ARID3A: variants seen among roughly 807,000 people sequenced by gnomAD.
ARID3A encodes the protein AT-rich interaction domain 3A.
In ARID3A, 11 loss-of-function variants were observed where a neutral mutation model predicts 52.7. That is an observed-to-expected ratio of 0.21 (90% CI 0.13 to 0.35). The LOEUF (loss-of-function observed/expected upper bound fraction) is 0.35. Among genes scored for constraint, ARID3A ranks in the 10% least tolerant of loss-of-function variants. ARID3A has a pLI of 1.00. For missense variants in ARID3A, 721 were observed against 838.5 expected (o/e 0.86, Z 1.73); for synonymous variants, 404 against 359.4 (o/e 1.12, Z -1.40).
chr19:929,807 G>T lies in ARID3A; in HGVS notation c.279G>T (p.Ala93=). The part of the protein sequence containing the change: ...DGPPGSEEED[A]AREGTPGSPG... ...CCCCAGGCTCGGAGGAGGAGGACGCGGCCCGGGAGGGGACACCGGGCTCAC... is the reference window on the plus strand; with the variant it reads ...CCCCAGGCTCGGAGGAGGAGGACGCTGCCCGGGAGGGGACACCGGGCTCAC... Residue 93 remains alanine (A), a synonymous_variant, in exon 2 of 9, where the codon GCG becomes GCT. Coordinates refer to ENST00000263620, the MANE Select transcript of ARID3A (RefSeq NM_005224.3). The surrounding 1 kb of genome is among the most constrained non-coding windows in gnomAD (Gnocchi z 6.2). 6.5e-7 allele frequency: 1 copy of T among 1,546,056 alleles called. No individual in the cohort carries two copies. Among genetic ancestry groups the T allele is most frequent in the Non-Finnish European group, 8.7e-7 (1 of 1,148,668 alleles).
At chr19:971,590 C>T (rs1354514526) in intron 8 of ARID3A, among the ~76,000 whole-genome samples, 1 of 151,842 alleles carries the variant, frequency 6.6e-6, no homozygotes, top group Non-Finnish European at 1.5e-5. Context: ...CTCCAGCCTG[C>T]GCGACAGAGC....
chr19:943,295 G>A (rs779248319), intron 3 of ARID3A, among the ~76,000 whole-genome samples: 3 of 151,250 alleles, frequency 2.0e-5, no homozygotes, highest in Non-Finnish European at 2.9e-5. Context: ...GGACGGGCGC[G>A]CAGTGTCTCA....
At position 973,060 on chromosome 19, in the gene ARID3A, T is replaced by A; in HGVS notation, c.*995T>A. The stretch of plus-strand genomic sequence containing the variant: ...TGTGATATTCCACGATGCTTTTGCT[T>A]GTGCCGTGCTTGTCTGCTGGGCTCT... On this transcript the variant is annotated 3_prime_UTR_variant, in exon 9 of 9. Transcript: ENST00000263620. The A allele has an allele frequency of 5.6e-6, 1 of 177,804 alleles. No homozygotes were observed. Among genetic ancestry groups the A allele is most frequent in the East Asian group, 9.0e-5 (1 of 11,116 alleles). The allele number at this position is 177,804 out of a possible 1,614,324, so 11.0% of individuals were successfully genotyped here.
intron 3 of ARID3A, among the ~76,000 whole-genome samples, chr19:935,081 C>T (rs1454020901): frequency 1.3e-5 from 2 of 152,228 alleles, no homozygotes; most frequent in Admixed American, 6.5e-5. Context: ...ACTCTGGCGC[C>T]TGCCCCACCC....
In ARID3A at chr19:973,367, GC is replaced by G; in HGVS notation, c.*1304del. 5.5e-6 allele frequency: 1 copy of G among 183,362 alleles called. No individual in the cohort carries two copies. Among genetic ancestry groups the G allele is most frequent in the East Asian group, 8.8e-5 (1 of 11,370 alleles). The allele number at this position is 183,362 out of a possible 1,614,324, so 11.4% of individuals were successfully genotyped here. ...GACCTCAGGTGATCTGCCCGCCTTGGCCTCCCAAAGTGCTGGGATTACAGGC... is the reference window on the plus strand; with the variant it reads ...GACCTCAGGTGATCTGCCCGCCTTGGCTCCCAAAGTGCTGGGATTACAGGC... On this transcript the variant is annotated 3_prime_UTR_variant, in exon 9 of 9. Transcript: ENST00000263620.
In ARID3A at chr19:942,202, G is replaced by A. The variant is rs567337668; in HGVS notation, c.693+9460G>A. ...CCCTCTCCGACCCCGAGGAGCTGCCGGCAGAGCCCTGTCCACTCTTGCCTC... is the reference window on the plus strand; with the variant it reads ...CCCTCTCCGACCCCGAGGAGCTGCCAGCAGAGCCCTGTCCACTCTTGCCTC... On this transcript the variant is annotated intron_variant, in intron 3 of 8. Coordinates refer to ENST00000263620, the MANE Select transcript of ARID3A (RefSeq NM_005224.3). This position sits in a 1 kb window ranked among gnomAD's most constrained non-coding sequence, Gnocchi z 8.1. Among the ~76,000 whole-genome samples, 6 of 152,220 alleles carry A rather than the reference G, an allele frequency of 3.9e-5. No homozygotes were observed. The South Asian group carries it at 6.2e-4, about 16-fold the overall frequency.
intron 3 of ARID3A, among the ~76,000 whole-genome samples, chr19:950,680 C>A (rs2037786962): frequency 6.6e-6 from 1 of 152,180 alleles, no homozygotes; most frequent in Non-Finnish European, 1.5e-5. Flanking sequence ...ACTTCCAAGC[C>A]CCTTGGTCCC....
chr19:971,646 A>G (rs2038277577), intron 8 of ARID3A, among the ~76,000 whole-genome samples: 1 of 152,110 alleles, frequency 6.6e-6, no homozygotes, highest in Admixed American at 6.6e-5. Flanking sequence ...AATTAGCCAG[A>G]CATGGTGGCA....
In ARID3A at chr19:972,590, A is replaced by G. The variant is rs2038302438; in HGVS notation, c.*525A>G. The stretch of plus-strand genomic sequence containing the variant: ...CGTGTCCAGTGAAACCCCTGAACCA[A>G]GATCACTGAATTTTTGTTTTTTTCT... On this transcript the variant is annotated 3_prime_UTR_variant, in exon 9 of 9. Coordinates refer to ENST00000263620, the MANE Select transcript of ARID3A (RefSeq NM_005224.3). 4.5e-6 allele frequency: 1 copy of G among 221,122 alleles called. No individual in the cohort carries two copies. The highest frequency in any genetic ancestry group is 2.3e-5 in the African/African-American group (1 of 44,392). 13.7% of individuals were successfully genotyped at this position (221,122 alleles called of 1,614,324 possible).
intron 3 of ARID3A, among the ~76,000 whole-genome samples, chr19:954,721 C>T (rs2037879123): frequency 6.6e-6 from 1 of 151,996 alleles, no homozygotes; most frequent in Admixed American, 6.5e-5. Flanking sequence ...GGGGGCTCCC[C>T]TCCAGGGAGG....
rs768315126 is a variant in ARID3A, at chr19:931,451, CA to C, written c.369-951del. On this transcript the variant is annotated intron_variant, in intron 2 of 8. Transcript: ENST00000263620. ...TGGGCAACAAAGTGAGACTGTGTCT[CA>C]AAAAAAAAAAAAAAACAACCAAACA... Among the ~76,000 whole-genome samples the C allele has an allele frequency of 6.1e-3, 486 of 79,534 alleles. 1 individual carries two copies. Among genetic ancestry groups the C allele is most frequent in the Non-Finnish European group, 8.3e-3 (297 of 35,820 alleles). The allele number at this position is 79,534 out of a possible 152,430, so 52.2% of individuals were successfully genotyped here.
rs1410627373 is a variant in ARID3A, at chr19:960,406, C to A, written c.766+242C>A. Among the ~76,000 whole-genome samples, 4 of 152,060 alleles carry A rather than the reference C, an allele frequency of 2.6e-5. No individual in the cohort carries two copies. The highest frequency in any genetic ancestry group is 7.3e-5 in the African/African-American group (3 of 41,368). Reference sequence around the variant, plus strand: ...GTAGGTCCCTTGGTGGGGGGCAGGGCAGTCTCAGGGCCCCAACCCAGAACA... The same window carrying A: ...GTAGGTCCCTTGGTGGGGGGCAGGGAAGTCTCAGGGCCCCAACCCAGAACA... On this transcript the variant is annotated intron_variant, in intron 4 of 8. Transcript: ENST00000263620. This position sits in a 1 kb window ranked among gnomAD's most constrained non-coding sequence, Gnocchi z 4.3.
At chr19:927,067 T>A (rs1280597847) in intron 1 of ARID3A, among the ~76,000 whole-genome samples, 1 of 151,578 alleles carries the variant, frequency 6.6e-6, no homozygotes, top group Non-Finnish European at 1.5e-5. Context: ...CTTCCCTTCG[T>A]GGAGTGAGGG....
chr19:953,475 ACC>A (rs3837991), intron 3 of ARID3A, among the ~76,000 whole-genome samples: 1 of 128,362 alleles, frequency 7.8e-6, no homozygotes, highest in Non-Finnish European at 1.7e-5. Flanking sequence ...GGCCTCCCAC[ACC>A]CCCCCCCGTG....
Position 960,058 on chromosome 19 carries a change from C to T in ARID3A, c.694-34C>T. ...CATGGTTCCCACACCTGAGCTCTGG[C>T]ACCAACTAACCCATCCCCTCTCCAC... On this transcript the variant is annotated intron_variant, in intron 3 of 8. Transcript: ENST00000263620. This position sits in a 1 kb window ranked among gnomAD's most constrained non-coding sequence, Gnocchi z 4.3. The T allele has an allele frequency of 1.3e-6, 2 of 1,590,252 alleles. No homozygotes were observed. The highest frequency in any genetic ancestry group is 2.2e-5 in the South Asian group (2 of 89,494).
intron 4 of ARID3A, among the ~76,000 whole-genome samples, chr19:961,054 T>C (rs1637996): frequency 0.68 from 103,968 of 152,048 alleles, 36,254 homozygotes; most frequent in Middle Eastern, 0.79. Flanking sequence ...GAGCGTCTGC[T>C]GCCAGGTAGG....
At chr19:961,246 C>T (rs1390790957) in intron 4 of ARID3A, among the ~76,000 whole-genome samples, 2 of 152,150 alleles carry the variant, frequency 1.3e-5, no homozygotes, top group African/African-American at 2.4e-5. Context: ...CCCACCCCTC[C>T]CCTGGCTTCT....
At chr19:940,428 G>A (rs923285120) in intron 3 of ARID3A, among the ~76,000 whole-genome samples, 1 of 152,090 alleles carries the variant, frequency 6.6e-6, no homozygotes, top group Non-Finnish European at 1.5e-5. Context: ...GGCAGAGCTT[G>A]AGGGCACTTG....
intron 3 of ARID3A, among the ~76,000 whole-genome samples, chr19:935,569 C>T (rs1296157903): frequency 2.0e-5 from 3 of 152,168 alleles, no homozygotes; most frequent in African/African-American, 7.2e-5. Flanking sequence ...CCTCGATCTC[C>T]TGGGTTCAAG....
Sources: allele counts gnomAD v4.1 joint callset (sites outside exome capture counted in the v4.1 genomes callset), GRCh38; gene constraint gnomAD v4.1.1; non-coding constraint Gnocchi (gnomAD v3.1); transcripts MANE v1.5; gene names NCBI Gene and HGNC (gene_info 2026-07-23, HGNC 2026-07-21).